PLCB1: variants seen among roughly 807,000 people sequenced by gnomAD.
The protein encoded by PLCB1 is phospholipase C beta 1.
PLCB1 carries 46 observed loss-of-function variants against 161.8 expected under a neutral mutation model. The observed-to-expected ratio is 0.28, with a 90% confidence interval of 0.22 to 0.36. PLCB1 has a LOEUF of 0.36. PLCB1 is among the 10% of genes least tolerant of loss of function. The pLI is 1.00. For missense variants in PLCB1, 1,016 were observed against 1,472.5 expected, an observed-to-expected ratio of 0.69 and a Z score of 5.07; for synonymous variants, 517 against 503.7, an observed-to-expected ratio of 1.03 and a Z score of -0.35.
rs199634903 is a variant in PLCB1 at position 8,482,092 on chromosome 20, A to ATTTTTT, written c.246+110667_246+110672dup. Reference sequence around the variant, plus strand: ...TTCAATTTATTTTGTGCTTGAAGGAATTTTTTTTTTTTTTTTTTTTTTTTT... The same window carrying ATTTTTT: ...TTCAATTTATTTTGTGCTTGAAGGAATTTTTTTTTTTTTTTTTTTTTTTTTTTTTTT... On this transcript the variant is annotated intron_variant, in intron 3 of 31. Coordinates refer to ENST00000338037, the MANE Select transcript of PLCB1 (RefSeq NM_015192.4). Among the ~76,000 whole-genome samples, 522 of 104,786 alleles carry ATTTTTT rather than the reference A, an allele frequency of 5.0e-3. 26 individuals carry two copies. Among genetic ancestry groups the ATTTTTT allele is most frequent in the Non-Finnish European group, 6.6e-3 (365 of 54,956 alleles). The allele number at this position is 104,786 out of a possible 152,430, so 68.7% of individuals were successfully genotyped here. A position where few individuals can be genotyped will look rare whatever the true frequency, so the allele number is the denominator to read the frequency against.
At chr20:8,657,152 C>G (rs747508655) in intron 7 of PLCB1, 32 bp from the exon 8 acceptor site, 1 of 1,234,266 alleles carries the variant, frequency 8.1e-7, no homozygotes, top group Non-Finnish European at 1.2e-6. Context: ...AGGAAAAAGA[C>G]CATTTGCTGA....
intron 2 of PLCB1, among the ~76,000 whole-genome samples, chr20:8,215,215 A>G (rs1979052059): frequency 6.6e-6 from 1 of 152,048 alleles, no homozygotes; most frequent in Non-Finnish European, 1.5e-5. Context: ...ACTATAAATA[A>G]AAGCCAACCC....
intron 4 of PLCB1, among the ~76,000 whole-genome samples, chr20:8,635,262 G>A (rs1988724408): frequency 6.6e-6 from 1 of 152,064 alleles, no homozygotes; most frequent in Admixed American, 6.6e-5. Flanking sequence ...GAGAGGAAAG[G>A]AAGGGAAAGG....
intron 10 of PLCB1, among the ~76,000 whole-genome samples, chr20:8,689,581 T>A (rs774990655): frequency 2.0e-5 from 3 of 152,180 alleles, no homozygotes; most frequent in Non-Finnish European, 4.4e-5. Flanking sequence ...AGATTATACA[T>A]ACTAACTCAT....
chr20:8,773,089 C>T (rs926506), intron 26 of PLCB1, among the ~76,000 whole-genome samples: 44,115 of 152,066 alleles, frequency 0.29, 6,537 homozygotes, highest in Non-Finnish European at 0.32. Flanking sequence ...GAGAAAATTC[C>T]GCATCCCTTA....
At chr20:8,567,776 A>G (rs566071761) in intron 3 of PLCB1, among the ~76,000 whole-genome samples, 4 of 152,328 alleles carry the variant, frequency 2.6e-5, no homozygotes, top group African/African-American at 7.2e-5. Context: ...AATCATTAGT[A>G]GGTGGTATGT....
intron 2 of PLCB1, among the ~76,000 whole-genome samples, chr20:8,198,871 A>G (rs940007123): frequency 6.6e-6 from 1 of 152,036 alleles, no homozygotes; most frequent in Non-Finnish European, 1.5e-5. Flanking sequence ...AAGCATTTCA[A>G]TAAAGCTCCA....
chr20:8,371,682 G>T, intron 3 of PLCB1: 23 of 359,000 alleles, frequency 6.4e-5, no homozygotes, highest in Non-Finnish European at 7.9e-5. Context: ...GCCTTTGTTT[G>T]AAAAAAAAAG....
At chr20:8,644,897 T>C (rs1600222359) in intron 4 of PLCB1, among the ~76,000 whole-genome samples, 1 of 152,120 alleles carries the variant, frequency 6.6e-6, no homozygotes, top group Non-Finnish European at 1.5e-5. Flanking sequence ...GGGGGAAAGG[T>C]GGGGAAAAGA....
At chr20:8,167,835 T>C (rs2051691081) in intron 2 of PLCB1, among the ~76,000 whole-genome samples, 1 of 152,168 alleles carries the variant, frequency 6.6e-6, no homozygotes, top group African/African-American at 2.4e-5. Context: ...ACCATTTTTT[T>C]GAGGTCACCC....
intron 12 of PLCB1, among the ~76,000 whole-genome samples, chr20:8,711,981 C>T (rs2123458125): frequency 6.6e-6 from 1 of 152,278 alleles, no homozygotes; most frequent in Non-Finnish European, 1.5e-5. Context: ...ACTTGGGCCA[C>T]ACGTCCAAAA....
intron 3 of PLCB1, 75 bp downstream of exon 3, chr20:8,371,525 C>G: frequency 4.0e-6 from 4 of 1,012,450 alleles, no homozygotes; most frequent in Non-Finnish European, 6.1e-6. Context: ...CAATTAATTG[C>G]CCCAATTAAA....
At chr20:8,756,423 G>T (rs1163237867) in intron 23 of PLCB1, among the ~76,000 whole-genome samples, 1 of 152,130 alleles carries the variant, frequency 6.6e-6, no homozygotes, top group Non-Finnish European at 1.5e-5. Context: ...ACATCGATTA[G>T]CTCATTCTGT....
chr20:8,150,456 A>T (rs2051498697), intron 2 of PLCB1, 85 bp downstream of exon 2: 4 of 561,382 alleles, frequency 7.1e-6, no homozygotes, highest in Non-Finnish European at 1.3e-5. Context: ...ATAGAAGAAC[A>T]TCCATTTCAC....
At chr20:8,782,628 G>C (rs576760567) in intron 27 of PLCB1, among the ~76,000 whole-genome samples, 1 of 152,306 alleles carries the variant, frequency 6.6e-6, no homozygotes, top group East Asian at 1.9e-4. Flanking sequence ...CTGGCTTTGA[G>C]TGATCCTCCT....
intron 23 of PLCB1, among the ~76,000 whole-genome samples, chr20:8,755,906 C>T (rs933317898): frequency 5.9e-5 from 9 of 152,218 alleles, no homozygotes; most frequent in East Asian, 1.9e-4. Context: ...CTCAGTCTGA[C>T]GTTGGACAGG....
Position 8,459,299 on chromosome 20 carries a change from T to C in PLCB1, c.246+87849T>C, listed in dbSNP as rs1006137019. Among the ~76,000 whole-genome samples, 54 of 152,228 alleles carry C rather than the reference T, an allele frequency of 3.5e-4. 1 individual carries two copies. The highest frequency in any genetic ancestry group is 7.3e-5 in the Non-Finnish European group (5 of 68,044). On this transcript the variant is annotated intron_variant, in intron 3 of 31. Transcript: ENST00000338037. The stretch of plus-strand genomic sequence containing the variant: ...CTGCATGGAAAGCATGTTTTTTCAA[T>C]CCTGTTCTTTGGACATGGATTAATA...
chr20:8,576,627 A>C (rs1300509786), intron 3 of PLCB1, among the ~76,000 whole-genome samples: 4 of 152,320 alleles, frequency 2.6e-5, no homozygotes. Context: ...TTTTATAAAG[A>C]AACAGAATCA....
chr20:8,625,832 C>G (rs1988324104), intron 3 of PLCB1, among the ~76,000 whole-genome samples: 1 of 152,096 alleles, frequency 6.6e-6, no homozygotes, highest in African/African-American at 2.4e-5. Flanking sequence ...GTTTCATCCA[C>G]CTAATTCCAG....
Sources: gnomAD v4.1 joint callset for allele counts (sites outside exome capture counted in the v4.1 genomes callset) on GRCh38, gnomAD v4.1.1 for gene constraint, MANE v1.5 for transcripts, NCBI Gene and HGNC (gene_info 2026-07-23, HGNC 2026-07-21) for gene names.